TNN: variants seen among roughly 807,000 people sequenced by gnomAD.
TNN encodes the protein tenascin N.
Under a neutral mutation model 134.4 loss-of-function variants are expected in TNN, and 122 were observed. That is an observed-to-expected ratio of 0.91 (90% confidence interval 0.78 to 1.06). The LOEUF (loss-of-function observed/expected upper bound fraction) is 1.06. TNN is among the 50% of genes least tolerant of loss of function. The pLI is 0.00. For synonymous variants in TNN, 710 were observed against 670.3 expected, an observed-to-expected ratio of 1.06 and a Z score of -0.91; for missense variants, 1,739 against 1,699.4, an observed-to-expected ratio of 1.02 and a Z score of -0.41.
Position 175,147,012 on chromosome 1 carries a change from A to G in TNN, c.3841A>G (p.Arg1281Gly). ...GAAAATCCGCCCTCATGGCTACAGC[A>G]GGGAGCCTGTCCTGGGCAGAAAGAA... The part of the protein sequence containing the change: ...ELKIRPHGYS[R>G]EPVLGRKKRT... Residue 1281 changes from arginine to glycine, a missense_variant, in exon 19 of 19, where the codon AGG becomes GGG. By Grantham distance (125) the Arg-to-Gly change is moderately radical. Transcript: ENST00000239462. 1 of 1,606,162 alleles carries G rather than the reference A, an allele frequency of 6.2e-7. No homozygotes were observed. Among genetic ancestry groups the G allele is most frequent in the Non-Finnish European group, 8.5e-7 (1 of 1,175,770 alleles).
At chr1:175,097,892 A>T (rs963216639) in intron 8 of TNN, among the ~76,000 whole-genome samples, 15 of 152,240 alleles carry the variant, frequency 9.9e-5, no homozygotes, top group Admixed American at 7.2e-4. Context: ...CCACTGAAAG[A>T]GAGAAGTAAA....
chr1:175,071,714 G>A (rs1290193901), intron 1 of TNN, among the ~76,000 whole-genome samples: 1 of 152,204 alleles, frequency 6.6e-6, no homozygotes, highest in Non-Finnish European at 1.5e-5. Flanking sequence ...CTGCTTTTTA[G>A]CTGTGTGTCC....
At chr1:175,079,265 TCTCAGAGGAAGGAGATCCC>T in intron 2 of TNN, 49 bp from the exon 3 acceptor site, 1 of 1,500,258 alleles carries the variant, frequency 6.7e-7, no homozygotes, top group East Asian at 2.3e-5. Context: ...GCATGGCTGA[TCTCAGAGGAAGGAGATCCC>T]CACGCACAAC....
rs755516574 is a variant in TNN at position 175,079,304 on chromosome 1, C to G, written c.410-29C>G. 3.2e-6 allele frequency: 5 copies of G among 1,558,986 alleles called. No individual in the cohort carries two copies. The African/African-American group carries it at 5.5e-5, about 17-fold the overall frequency. On this transcript the variant is annotated intron_variant, in intron 2 of 18. Coordinates refer to ENST00000239462, the MANE Select transcript of TNN (RefSeq NM_022093.2). ...GATCCCCACGCACAACCCTTCAACC[C>G]AACCTACTGTTTCTCCTCTCCCTCC...
chr1:175,125,807 TTCCC>T (rs1313295601), intron 12 of TNN, among the ~76,000 whole-genome samples: 1 of 144,032 alleles, frequency 6.9e-6, no homozygotes, highest in Non-Finnish European at 1.5e-5. Flanking sequence ...CCTTCCTTCC[TTCCC>T]TCCCTCCCTC....
chr1:175,118,871 T>G (rs1311328981), intron 11 of TNN, 47 bp downstream of exon 11: 3 of 1,607,564 alleles, frequency 1.9e-6, no homozygotes, highest in Non-Finnish European at 2.5e-6. Flanking sequence ...AGCTGCAGGT[T>G]GATCTATTGC....
intron 10 of TNN, 149 bp from the exon 11 acceptor site, chr1:175,118,412 G>A: frequency 1.1e-6 from 1 of 946,860 alleles, no homozygotes; most frequent in East Asian, 2.5e-5. Context: ...AGAAGATGAT[G>A]TCCATGAAAC....
At chr1:175,074,765 G>A (rs140818866) in intron 1 of TNN, among the ~76,000 whole-genome samples, 206 of 152,350 alleles carry the variant, frequency 1.4e-3, no homozygotes, top group Non-Finnish European at 2.6e-3. Context: ...TCACAGTGGT[G>A]TCACATCCCT....
In TNN at chr1:175,080,307, C is replaced by T; in HGVS notation, c.929C>T (p.Pro310Leu). ...KELSGKQIQV[P>L]KEQHSYEILG... ...CTCTCTGGGAAGCAGATCCAAGTGC[C>T]CAAGGAGCAGCACAGCTATGAGATT... Residue 310 changes from proline to leucine, a missense_variant, in exon 4 of 19, where the codon CCC (proline) becomes CTC (leucine). Pro to Leu is a moderately conservative substitution (Grantham distance 98). Transcript: ENST00000239462. 1 of 1,614,054 alleles carries T rather than the reference C, an allele frequency of 6.2e-7. No individual in the cohort carries two copies. The highest frequency in any genetic ancestry group is 8.5e-7 in the Non-Finnish European group (1 of 1,180,002).
intron 2 of TNN, among the ~76,000 whole-genome samples, chr1:175,078,918 T>TC (rs1674119632): frequency 6.6e-6 from 1 of 151,816 alleles, no homozygotes; most frequent in Non-Finnish European, 1.5e-5. Context: ...GATCTCACTT[T>TC]CCCCCCAGGA....
At position 175,097,637 on chromosome 1, in the gene TNN, GA is replaced by G. The variant is rs2149432846; in HGVS notation, c.1811del (p.Lys604ArgfsTer24). The G allele has an allele frequency of 6.2e-7, 1 of 1,614,236 alleles. No homozygotes were observed. The highest frequency in any genetic ancestry group is 2.2e-5 in the East Asian group (1 of 44,894). On this transcript the variant is annotated frameshift_variant, in exon 8 of 19. Coordinates refer to ENST00000239462, the MANE Select transcript of TNN (RefSeq NM_022093.2). LOFTEE classifies it high-confidence loss of function. Reference sequence around the variant, plus strand: ...AGTACACAGTGCATGTCTGGGCCCAGAAGGGGGACCGAGAGAGCAAGAAGGC... The same window carrying G: ...AGTACACAGTGCATGTCTGGGCCCAGAGGGGGACCGAGAGAGCAAGAAGGC... ...VEYTVHVWAQ[K>X]GDRESKKADT...
chr1:175,097,641 G>A lies in TNN; in HGVS notation c.1813G>A (p.Gly605Arg). 6.2e-7 allele frequency: 1 copy of A among 1,614,220 alleles called. No homozygotes were observed. Among genetic ancestry groups the A allele is most frequent in the Non-Finnish European group, 8.5e-7 (1 of 1,180,042 alleles). ...EYTVHVWAQK[G>R]DRESKKADTN... ...CACAGTGCATGTCTGGGCCCAGAAGGGGGACCGAGAGAGCAAGAAGGCTGA... is the reference window on the plus strand; with the variant it reads ...CACAGTGCATGTCTGGGCCCAGAAGAGGGACCGAGAGAGCAAGAAGGCTGA... Residue 605 changes from glycine to arginine, a missense_variant, in exon 8 of 19, where the codon GGG becomes AGG. Physicochemically the swap from Gly to Arg is moderately radical, Grantham distance 125. Coordinates refer to ENST00000239462, the MANE Select transcript of TNN (RefSeq NM_022093.2).
intron 6 of TNN, among the ~76,000 whole-genome samples, chr1:175,091,742 C>T (rs1464883026): frequency 1.3e-5 from 2 of 152,198 alleles, no homozygotes; most frequent in South Asian, 2.1e-4. Flanking sequence ...GCATGTACCA[C>T]CCTGCCCGGC....
chr1:175,068,413 G>T (rs1467679186), intron 1 of TNN, among the ~76,000 whole-genome samples: 1 of 152,092 alleles, frequency 6.6e-6, no homozygotes. Flanking sequence ...AGGAAGCTAT[G>T]ATAACTTTCC....
At chr1:175,078,541 G>T (rs1165209252) in intron 2 of TNN, among the ~76,000 whole-genome samples, 1 of 152,166 alleles carries the variant, frequency 6.6e-6, no homozygotes, top group South Asian at 2.1e-4. Flanking sequence ...GAATTGCTAT[G>T]GTAAAGAGCA....
chr1:175,100,855 A>G (rs913387936), intron 9 of TNN, among the ~76,000 whole-genome samples: 1 of 152,164 alleles, frequency 6.6e-6, no homozygotes, highest in South Asian at 2.1e-4. Flanking sequence ...CTCATAATAG[A>G]CATTTGTTTC....
intron 9 of TNN, among the ~76,000 whole-genome samples, chr1:175,102,952 A>G (rs1674764725): frequency 6.8e-6 from 1 of 146,288 alleles, no homozygotes; most frequent in Admixed American, 6.8e-5. Context: ...TGGGGCAAAG[A>G]AGGGGCCCTG....
intron 9 of TNN, among the ~76,000 whole-genome samples, chr1:175,113,363 A>T (rs1247064968): frequency 6.6e-6 from 1 of 152,102 alleles, no homozygotes; most frequent in Non-Finnish European, 1.5e-5. Context: ...CACCCCTTTC[A>T]GATCTTGGGC....
At chr1:175,139,190 C>T (rs1467870149) in intron 17 of TNN, among the ~76,000 whole-genome samples, 2 of 152,230 alleles carry the variant, frequency 1.3e-5, no homozygotes, top group African/African-American at 2.4e-5. Flanking sequence ...GTTCTTTCTT[C>T]GTTAATAAAA....
Sources: gnomAD v4.1 joint callset for allele counts (sites outside exome capture counted in the v4.1 genomes callset) on GRCh38, gnomAD v4.1.1 for gene constraint, MANE v1.5 for transcripts, NCBI Gene and HGNC (gene_info 2026-07-23, HGNC 2026-07-21) for gene names.